The following CHMP4C variants were observed in gnomAD, a reference collection of about 807,000 sequenced individuals.
The protein encoded by CHMP4C is SNF7 homolog associated with Alix 3.
A neutral mutation model predicts 29.0 loss-of-function variants in CHMP4C; 28 were observed. The ratio of observed to expected loss-of-function variants is 0.97; its 90% CI spans 0.72 to 1.32. CHMP4C has a LOEUF of 1.32. Among genes scored for constraint, CHMP4C ranks in the 40% most tolerant of loss-of-function variants. CHMP4C has a pLI of 0.00. For synonymous variants in CHMP4C, 106 were observed against 102.4 expected (o/e 1.04, Z -0.21); for missense variants, 291 against 281.0 (o/e 1.04, Z -0.25).
intron 1 of CHMP4C, among the ~76,000 whole-genome samples, chr8:81,749,733 A>G (rs1168541434): frequency 6.6e-6 from 1 of 152,200 alleles, no homozygotes; most frequent in Non-Finnish European, 1.5e-5. Flanking sequence ...AACAGTACCT[A>G]GAAGACAACA....
At chr8:81,754,346 T>C (rs1460696541) in intron 2 of CHMP4C, among the ~76,000 whole-genome samples, 1 of 152,168 alleles carries the variant, frequency 6.6e-6, no homozygotes, top group Non-Finnish European at 1.5e-5. Flanking sequence ...AGTTGAGCCA[T>C]ACATTTTTTC....
intron 1 of CHMP4C, among the ~76,000 whole-genome samples, chr8:81,740,179 C>T (rs1408920307): frequency 2.6e-5 from 4 of 152,194 alleles, no homozygotes; most frequent in Non-Finnish European, 5.9e-5. Context: ...TTCAGGATGG[C>T]CTTTGCATGA....
chr8:81,756,747 A>T (rs552509288), intron 3 of CHMP4C, among the ~76,000 whole-genome samples: 1 of 152,312 alleles, frequency 6.6e-6, no homozygotes, highest in East Asian at 1.9e-4. Context: ...GTTGATAACG[A>T]TGATGCACTA....
At chr8:81,737,360 T>C (rs1407131583) in intron 1 of CHMP4C, among the ~76,000 whole-genome samples, 2 of 152,128 alleles carry the variant, frequency 1.3e-5, no homozygotes, top group African/African-American at 2.4e-5. Context: ...TCCATAGGAA[T>C]GTTAATGAGA....
intron 1 of CHMP4C, 96 bp downstream of exon 1, chr8:81,732,912 A>G (rs1302335567): frequency 8.3e-7 from 1 of 1,202,188 alleles, no homozygotes; most frequent in Non-Finnish European, 1.2e-6. Context: ...CCAGGTGGCC[A>G]GGTTTGCTCC....
chr8:81,758,598 A>G lies in CHMP4C; in HGVS notation c.*54A>G. The stretch of plus-strand genomic sequence containing the variant: ...AATGAGCTATAGATAAAATATAAAA[A>G]ATGTTTTTACCAAGTTCAGAAGTTA... On this transcript the variant is annotated 3_prime_UTR_variant, in exon 5 of 5. Coordinates refer to ENST00000297265, the MANE Select transcript of CHMP4C (RefSeq NM_152284.4). The G allele has an allele frequency of 8.2e-7, 1 of 1,216,104 alleles. No homozygotes were observed. Among genetic ancestry groups the G allele is most frequent in the Non-Finnish European group, 1.2e-6 (1 of 828,910 alleles). The allele number at this position is 1,216,104 out of a possible 1,614,324, so 75.3% of individuals were successfully genotyped here. A position where few individuals can be genotyped will look rare whatever the true frequency, so the allele number is the denominator to read the frequency against.
chr8:81,758,120 T>C, intron 3 of CHMP4C, 22 bp from the exon 4 acceptor site: 3 of 1,611,496 alleles, frequency 1.9e-6, no homozygotes, highest in African/African-American at 1.3e-5. Context: ...ACTCCATAAT[T>C]CTTCCTTTCT....
chr8:81,737,279 CAT>C (rs1808703962), intron 1 of CHMP4C, among the ~76,000 whole-genome samples: 1 of 152,180 alleles, frequency 6.6e-6, no homozygotes, highest in African/African-American at 2.4e-5. Context: ...GGGGATCAGG[CAT>C]CTGTTTTTTT....
At chr8:81,748,142 A>C (rs1035533927) in intron 1 of CHMP4C, among the ~76,000 whole-genome samples, 1 of 152,214 alleles carries the variant, frequency 6.6e-6, no homozygotes, top group African/African-American at 2.4e-5. Context: ...TTTTGAAAGA[A>C]GAGAAATATG....
rs573673378 is a variant in CHMP4C, at chr8:81,740,392, T to C, written c.190+7576T>C. 3.9e-5 allele frequency among the ~76,000 whole-genome samples: 6 copies of C among 152,326 alleles called. No homozygotes were observed. The South Asian group carries it at 1.0e-3, about 26-fold the overall frequency. On this transcript the variant is annotated intron_variant, in intron 1 of 4. Coordinates refer to ENST00000297265, the MANE Select transcript of CHMP4C (RefSeq NM_152284.4). Reference sequence around the variant, plus strand: ...AGATCCTCGCATGCTCAGTTCACAATAGGTTTCTCGCTCCTATGAGAATGT... The same window carrying C: ...AGATCCTCGCATGCTCAGTTCACAACAGGTTTCTCGCTCCTATGAGAATGT...
intron 1 of CHMP4C, among the ~76,000 whole-genome samples, chr8:81,739,418 T>TGCGG (rs1554592449): frequency 1.1e-5 from 1 of 93,564 alleles, no homozygotes; most frequent in African/African-American, 4.1e-5. Context: ...TGGGGGATTG[T>TGCGG]GGGGGGGGGT....
chr8:81,757,438 G>T (rs575294228), intron 3 of CHMP4C, among the ~76,000 whole-genome samples: 4 of 152,268 alleles, frequency 2.6e-5, no homozygotes, highest in African/African-American at 9.6e-5. Flanking sequence ...CAGGACTTAT[G>T]GAGCCAGTGA....
At position 81,745,019 on chromosome 8, in the gene CHMP4C, G is replaced by GT. The variant is rs752046858; in HGVS notation, c.191-8037dup. On this transcript the variant is annotated intron_variant, in intron 1 of 4. Transcript: ENST00000297265. ...CTGTGACATTGAGCAGATATATTTT[G>GT]TTTTTTTTCCATTTGGGAAATGTCT... 5.5e-4 allele frequency among the ~76,000 whole-genome samples: 83 copies of GT among 151,892 alleles called. No individual in the cohort carries two copies. The Middle Eastern group carries it at 0.014, about 25-fold the overall frequency.
At chr8:81,737,792 T>C (rs1194081852) in intron 1 of CHMP4C, among the ~76,000 whole-genome samples, 1 of 152,200 alleles carries the variant, frequency 6.6e-6, no homozygotes, top group East Asian at 1.9e-4. Context: ...AAGCATTCAG[T>C]GCAGTGCTTT....
At chr8:81,739,267 T>G (rs1286792869) in intron 1 of CHMP4C, among the ~76,000 whole-genome samples, 1 of 151,940 alleles carries the variant, frequency 6.6e-6, no homozygotes, top group African/African-American at 2.4e-5. Context: ...CAGCTATTTT[T>G]TTTTTAATTT....
intron 3 of CHMP4C, among the ~76,000 whole-genome samples, chr8:81,755,861 A>G (rs1428290336): frequency 1.3e-5 from 2 of 152,186 alleles, no homozygotes; most frequent in African/African-American, 4.8e-5. Context: ...GTAGCTGTTA[A>G]ATTAGAGGTT....
intron 1 of CHMP4C, among the ~76,000 whole-genome samples, chr8:81,733,983 G>C: frequency 6.6e-6 from 1 of 152,168 alleles, no homozygotes; most frequent in East Asian, 1.9e-4. Flanking sequence ...CTGTAAAAGT[G>C]TGCCAGCTAC....
rs201750959 is a variant in CHMP4C at position 81,732,596 on chromosome 8, C to A, written c.-31C>A. ...CCCCGGGGAGCTCCCGAGAGGCCCC[C>A]GGGATCGCTGGCCCTCCGAACTCCA... On this transcript the variant is annotated 5_prime_UTR_variant, in exon 1 of 5. Coordinates refer to ENST00000297265, the MANE Select transcript of CHMP4C (RefSeq NM_152284.4). The A allele has an allele frequency of 6.3e-3, 9,533 of 1,506,998 alleles. 44 individuals carry two copies. The highest frequency in any genetic ancestry group is 0.01 in the Admixed American group (466 of 45,018). 93.4% of individuals were successfully genotyped at this position (1,506,998 alleles called of 1,614,324 possible).
intron 1 of CHMP4C, among the ~76,000 whole-genome samples, chr8:81,742,919 G>T (rs1025387263): frequency 1.1e-4 from 17 of 151,938 alleles, no homozygotes; most frequent in Admixed American, 5.2e-4. Context: ...TTGATTTGTT[G>T]GTGTTACTTG....
Sources: allele counts gnomAD v4.1 joint callset (sites outside exome capture counted in the v4.1 genomes callset), GRCh38; gene constraint gnomAD v4.1.1; transcripts MANE v1.5; gene names NCBI Gene and HGNC (gene_info 2026-07-23, HGNC 2026-07-21).